The following NKAIN3 variants were observed in gnomAD, a reference collection of about 807,000 sequenced individuals.
The protein encoded by NKAIN3 is sodium/potassium transporting ATPase interacting 3.
A neutral mutation model predicts 30.2 loss-of-function variants in NKAIN3; 25 were observed. The ratio of observed to expected loss-of-function variants is 0.83; its 90% CI spans 0.60 to 1.16. The LOEUF (loss-of-function observed/expected upper bound fraction) is 1.16, where lower values mean the gene tolerates loss of function less well. Among genes scored for constraint, NKAIN3 ranks in the 50% most tolerant of loss-of-function variants. The pLI is 0.00. For synonymous variants in NKAIN3, 91 were observed against 89.6 expected, an observed-to-expected ratio of 1.02 and a Z score of -0.09; for missense variants, 225 against 254.1, an observed-to-expected ratio of 0.89 and a Z score of 0.78.
chr8:62,839,615 C>T (rs1227646554), intron 4 of NKAIN3, among the ~76,000 whole-genome samples: 1 of 151,696 alleles, frequency 6.6e-6, no homozygotes, highest in East Asian at 1.9e-4. Context: ...AAATGGTCTC[C>T]CTCTGTCACC....
chr8:62,297,738 G>T (rs1484323856), intron 1 of NKAIN3, among the ~76,000 whole-genome samples: 1 of 152,130 alleles, frequency 6.6e-6, no homozygotes, highest in Non-Finnish European at 1.5e-5. Context: ...ATGTAAACTA[G>T]TTCAACCATT....
At chr8:62,377,732 C>G (rs1306152373) in intron 1 of NKAIN3, among the ~76,000 whole-genome samples, 1 of 152,136 alleles carries the variant, frequency 6.6e-6, no homozygotes, top group East Asian at 1.9e-4. Flanking sequence ...GTCATTTCCC[C>G]TGCTTGCACT....
rs894588177 is a variant in NKAIN3, at chr8:62,338,706, G to A, written c.54+89579G>A. Among the ~76,000 whole-genome samples, 3 of 151,968 alleles carry A rather than the reference G, an allele frequency of 2.0e-5. No homozygotes were observed. In the South Asian group the frequency reaches 6.2e-4, roughly 31 times the overall value. ...AAAGAAAGCCAGTCCGAGTCCCAAA[G>A]CTGAAGAACTTGGAGTCCAATATTC... On this transcript the variant is annotated intron_variant, in intron 1 of 6. Coordinates refer to ENST00000623646, the MANE Select transcript of NKAIN3 (RefSeq NM_001304533.3).
intron 1 of NKAIN3, among the ~76,000 whole-genome samples, chr8:62,286,771 A>G (rs1444904714): frequency 2.0e-5 from 3 of 152,080 alleles, no homozygotes; most frequent in Non-Finnish European, 4.4e-5. Flanking sequence ...GCCTGGACAG[A>G]AGCCAGTTCA....
chr8:62,882,722 A>G (rs1821024243), intron 4 of NKAIN3, among the ~76,000 whole-genome samples: 1 of 152,182 alleles, frequency 6.6e-6, no homozygotes, highest in Non-Finnish European at 1.5e-5. Context: ...TAAGTCTATA[A>G]TGCATTTTGA....
chr8:62,522,875 G>A (rs1009272771), intron 1 of NKAIN3, among the ~76,000 whole-genome samples: 4 of 152,012 alleles, frequency 2.6e-5, no homozygotes, highest in Non-Finnish European at 5.9e-5. Context: ...AGTTTATAAA[G>A]TGAAAACATT....
chr8:62,537,239 GGT>G (rs1258266035), intron 1 of NKAIN3, among the ~76,000 whole-genome samples: 1 of 152,116 alleles, frequency 6.6e-6, no homozygotes, highest in African/African-American at 2.4e-5. Context: ...TTTCTGTATT[GGT>G]GTGGCTCAGG....
chr8:62,842,015 A>G (rs1819544439), intron 4 of NKAIN3, among the ~76,000 whole-genome samples: 1 of 152,128 alleles, frequency 6.6e-6, no homozygotes, highest in Non-Finnish European at 1.5e-5. Context: ...GGGTATAAAT[A>G]GATATCTTGT....
At chr8:62,956,612 T>C (rs112608836) in intron 6 of NKAIN3, among the ~76,000 whole-genome samples, 2 of 152,276 alleles carry the variant, frequency 1.3e-5, no homozygotes, top group South Asian at 2.1e-4. Flanking sequence ...GGTTCACATA[T>C]GGATTTGGTC....
chr8:62,644,764 G>T (rs1459765579), intron 3 of NKAIN3, among the ~76,000 whole-genome samples: 1 of 152,092 alleles, frequency 6.6e-6, no homozygotes, highest in Non-Finnish European at 1.5e-5. Flanking sequence ...GTATTTGGAA[G>T]GTCTTTAATT....
chr8:62,553,763 C>A (rs1422930209), intron 1 of NKAIN3, among the ~76,000 whole-genome samples: 1 of 152,038 alleles, frequency 6.6e-6, no homozygotes, highest in Non-Finnish European at 1.5e-5. Context: ...GTCTTGAACA[C>A]CCGACCTCAA....
At chr8:62,944,790 G>T (rs1409165948) in intron 5 of NKAIN3, among the ~76,000 whole-genome samples, 17 of 152,090 alleles carry the variant, frequency 1.1e-4, no homozygotes. Context: ...TGAAATATTT[G>T]TTGGAAAAGC....
chr8:62,992,975 G>T (rs1041290396), intron 5 of NKAIN3, among the ~76,000 whole-genome samples: 2 of 152,126 alleles, frequency 1.3e-5, no homozygotes, highest in Non-Finnish European at 2.9e-5. Flanking sequence ...TCACCTCCAA[G>T]CAGATTCAGG....
intron 1 of NKAIN3, among the ~76,000 whole-genome samples, chr8:62,459,233 T>G (rs965643108): frequency 1.3e-5 from 2 of 152,178 alleles, no homozygotes; most frequent in African/African-American, 4.8e-5. Context: ...TTGGCAACTT[T>G]GATTGACTGT....
intron 4 of NKAIN3, among the ~76,000 whole-genome samples, chr8:62,899,729 C>A (rs1343454869): frequency 6.6e-6 from 1 of 151,980 alleles, no homozygotes; most frequent in Admixed American, 6.6e-5. Flanking sequence ...TTTTAAATAA[C>A]TAAAACAGTA....
chr8:62,948,831 G>A (rs535490417), intron 5 of NKAIN3, among the ~76,000 whole-genome samples: 12 of 152,128 alleles, frequency 7.9e-5, no homozygotes, highest in Non-Finnish European at 1.3e-4. Flanking sequence ...TTCATCTAAC[G>A]GTGTTAATTC....
At chr8:62,568,622 C>T (rs1424212853) in intron 1 of NKAIN3, among the ~76,000 whole-genome samples, 3 of 152,082 alleles carry the variant, frequency 2.0e-5, no homozygotes, top group African/African-American at 7.2e-5. Flanking sequence ...ATATTCATTC[C>T]TCTTTTAACA....
chr8:62,763,706 A>G (rs866205159), intron 4 of NKAIN3, among the ~76,000 whole-genome samples: 1 of 152,222 alleles, frequency 6.6e-6, no homozygotes, highest in East Asian at 1.9e-4. Flanking sequence ...GTCAATGATT[A>G]CAAGAAGAAG....
rs1222490141 is a variant in NKAIN3 at position 62,975,630 on chromosome 8, A to AT, written c.*10229dup. On this transcript the variant is annotated 3_prime_UTR_variant, in exon 7 of 7. Coordinates refer to ENST00000623646, the MANE Select transcript of NKAIN3 (RefSeq NM_001304533.3). ...AAAAAACCATCTCCTGTATTCATTG[A>AT]TTTTTTGAAGGGTTTTTCGTATCTC... is the stretch of plus-strand genomic sequence containing the variant. 1.3e-5 allele frequency among the ~76,000 whole-genome samples: 2 copies of AT among 152,082 alleles called. No individual in the cohort carries two copies. Among genetic ancestry groups the AT allele is most frequent in the South Asian group, 2.1e-4 (1 of 4,828 alleles).
Sources: allele counts gnomAD v4.1 joint callset (sites outside exome capture counted in the v4.1 genomes callset), GRCh38; gene constraint gnomAD v4.1.1; transcripts MANE v1.5; gene names NCBI Gene and HGNC (gene_info 2026-07-23, HGNC 2026-07-21).